The following ZWINT variants were observed in gnomAD, a reference collection of about 807,000 sequenced individuals.
The protein encoded by ZWINT is ZW10 interacting kinetochore protein, also known as outer kinetochore KNL1 complex subunit ZWINT.
In ZWINT, 41 loss-of-function variants were observed where a neutral mutation model predicts 41.5. The observed-to-expected ratio is 0.99, with a 90% CI of 0.77 to 1.28. ZWINT has a LOEUF of 1.28. ZWINT is among the 50% of genes most tolerant of loss of function. ZWINT has a pLI of 0.00. For missense variants in ZWINT, 369 were observed against 329.7 expected, an observed-to-expected ratio of 1.12 and a Z score of -0.92; for synonymous variants, 132 against 126.8, an observed-to-expected ratio of 1.04 and a Z score of -0.28.
chr10:56,358,814 T>A lies in ZWINT; in HGVS notation c.614A>T (p.Lys205Met). 6.2e-7 allele frequency: 1 copy of A among 1,614,100 alleles called. No individual in the cohort carries two copies. The highest frequency in any genetic ancestry group is 8.5e-7 in the Non-Finnish European group (1 of 1,180,034). ...ATGCTCCCGAACTTACCTCTGCAGC[T>A]TGTCCCGCTCCTGTTCTGCCTGCTG... ...LKQQAEQERD[K>M]LQRYQTFLQL... The change falls in exon 6 of 9, where the codon AAG (lysine) becomes ATG (methionine). Residue 205 changes from lysine to methionine, a missense_variant. Physicochemically the swap from Lys to Met is moderately conservative, Grantham distance 95. Coordinates refer to ENST00000373944, the MANE Select transcript of ZWINT (RefSeq NM_007057.4).
In ZWINT at chr10:56,357,847, T is replaced by G; in HGVS notation, c.*380A>C. ...TTTGGATCCATGAATAAAATTATCT[T>G]CCCACATATAACCACCTGCCTAAAA... On this transcript the variant is annotated 3_prime_UTR_variant, in exon 9 of 9. Coordinates refer to ENST00000373944, the MANE Select transcript of ZWINT (RefSeq NM_007057.4). The G allele has an allele frequency of 2.9e-6, 1 of 349,454 alleles. No individual in the cohort carries two copies. The highest frequency in any genetic ancestry group is 5.6e-6 in the Non-Finnish European group (1 of 177,526). 21.6% of individuals were successfully genotyped at this position (349,454 alleles called of 1,614,324 possible).
Position 56,360,215 on chromosome 10 carries a change from G to T in ZWINT, c.133-74C>A, listed in dbSNP as rs3861049. 600 of 1,611,582 alleles carry T rather than the reference G, an allele frequency of 3.7e-4. 3 individuals are homozygous for T. In the African/African-American group the frequency reaches 7.4e-3, roughly 20 times the overall value. On this transcript the variant is annotated intron_variant, in intron 2 of 8. Coordinates refer to ENST00000373944, the MANE Select transcript of ZWINT (RefSeq NM_007057.4). ...GTTTCCTTAAGTCTGCTCTCTGCCA[G>T]TGCTGCCCTGTATCTCAGTAAGAGG... is the stretch of plus-strand genomic sequence containing the variant.
Position 56,357,767 on chromosome 10 carries a change from T to A in ZWINT, c.*460A>T, listed in dbSNP as rs142481492. ...CTAAAACAGTCAGATGAGCTCACTG[T>A]TATAATTCTGGTTCACCGCAAGAAC... On this transcript the variant is annotated 3_prime_UTR_variant, in exon 9 of 9. Transcript: ENST00000373944. The A allele has an allele frequency of 3.3e-3, 1,050 of 321,280 alleles. 10 individuals are homozygous for A. Among genetic ancestry groups the A allele is most frequent in the African/African-American group, 0.021 (950 of 45,752 alleles). The allele number at this position is 321,280 out of a possible 1,614,324, so 19.9% of individuals were successfully genotyped here.
chr10:56,361,168 C>A, intron 1 of ZWINT, 28 bp downstream of exon 1: 1 of 1,612,740 alleles, frequency 6.2e-7, no homozygotes, highest in Non-Finnish European at 8.5e-7. Flanking sequence ...GGCCCGGCCC[C>A]AGCTGCCACT....
At position 56,357,938 on chromosome 10, in the gene ZWINT, C is replaced by G. The variant is rs951672496; in HGVS notation, c.*289G>C. On this transcript the variant is annotated 3_prime_UTR_variant, in exon 9 of 9. Coordinates refer to ENST00000373944, the MANE Select transcript of ZWINT (RefSeq NM_007057.4). ...CATAGGAGGCCCAAGGCCAGTACCC[C>G]CTCCCCATCTGCACACCCTGTGTTC... 9.8e-6 allele frequency: 4 copies of G among 408,706 alleles called. No individual in the cohort carries two copies. Among genetic ancestry groups the G allele is most frequent in the African/African-American group, 2.1e-5 (1 of 48,680 alleles). The allele number at this position is 408,706 out of a possible 1,614,324, so 25.3% of individuals were successfully genotyped here. A position where few individuals can be genotyped will look rare whatever the true frequency, so the allele number is the denominator to read the frequency against.
Position 56,359,499 on chromosome 10 carries a change from G to A in ZWINT, c.457C>T (p.Gln153Ter), listed in dbSNP as rs1838266139. The A allele has an allele frequency of 6.5e-7, 1 of 1,549,112 alleles. No individual in the cohort carries two copies. The highest frequency in any genetic ancestry group is 8.7e-7 in the Non-Finnish European group (1 of 1,152,404). Residue 153 changes from glutamine (Q) to a stop codon, truncating the protein, a stop_gained, in exon 5 of 9, where the codon CAG becomes TAG. Transcript: ENST00000373944. LOFTEE classifies it high-confidence loss of function. ...QMAMEKRRAV[Q>*]NQWQLQQEKH... ...ACCTGTTGTAGCTGCCACTGGTTCT[G>A]GACTGCTCTGCGTTTCTCCATGGCC...
rs759306696 is a variant in ZWINT, at chr10:56,360,025, G to A, written c.249C>T (p.Asp83=). The A allele has an allele frequency of 1.2e-6, 2 of 1,613,992 alleles. No individual in the cohort carries two copies. Among genetic ancestry groups the A allele is most frequent in the South Asian group, 1.1e-5 (1 of 91,084 alleles). The change falls in exon 3 of 9, where the codon GAC becomes GAT. Residue 83 remains aspartate (D), a synonymous_variant. Transcript: ENST00000373944. ...AATCCCCTGCCTACTCACGGCTCGTGTCTTCAGAAGCCAAGGGGTCGAGAC... is the reference window on the plus strand; with the variant it reads ...AATCCCCTGCCTACTCACGGCTCGTATCTTCAGAAGCCAAGGGGTCGAGAC... ...AKGLDPLASE[D]TSRQKAIAAK... is the part of the protein sequence containing the mutation.
Position 56,360,282 on chromosome 10 carries a change from C to G in ZWINT, c.132+11G>C. 1 of 1,613,998 alleles carries G rather than the reference C, an allele frequency of 6.2e-7. No homozygotes were observed. Among genetic ancestry groups the G allele is most frequent in the Non-Finnish European group, 8.5e-7 (1 of 1,179,934 alleles). On this transcript the variant is annotated intron_variant, in intron 2 of 8. Transcript: ENST00000373944. ...TGGCTTCTGAAAGGCTCGCTCTCAT[C>G]TTGTACATACCACCACAAACTCAAC...
chr10:56,358,006 CT>C lies in ZWINT; in HGVS notation c.*220del. ...TGTCATGTTATTGGCTTCTGAGTAT[CT>C]GTATTAATAGTTGTTCCTGCCAGCA... On this transcript the variant is annotated 3_prime_UTR_variant, in exon 9 of 9. Coordinates refer to ENST00000373944, the MANE Select transcript of ZWINT (RefSeq NM_007057.4). 5.8e-6 allele frequency: 3 copies of C among 515,760 alleles called. No homozygotes were observed. Among genetic ancestry groups the C allele is most frequent in the Non-Finnish European group, 1.2e-5 (3 of 253,458 alleles). The allele number at this position is 515,760 out of a possible 1,614,324, so 31.9% of individuals were successfully genotyped here. A position where few individuals can be genotyped will look rare whatever the true frequency, so the allele number is the denominator to read the frequency against.
chr10:56,361,178 T>G lies in ZWINT; in HGVS notation c.41+18A>C. 1 of 1,613,198 alleles carries G rather than the reference T, an allele frequency of 6.2e-7. No individual in the cohort carries two copies. Among genetic ancestry groups the G allele is most frequent in the Non-Finnish European group, 8.5e-7 (1 of 1,179,924 alleles). ...TCCCAGGCCCGGCCCCAGCTGCCAC[T>G]TAGCCGCAAACACTTACTCTAGGGC... On this transcript the variant is annotated intron_variant, in intron 1 of 8. Coordinates refer to ENST00000373944, the MANE Select transcript of ZWINT (RefSeq NM_007057.4).
In ZWINT at chr10:56,360,364, C is replaced by G. The variant is rs11549924; in HGVS notation, c.61G>C (p.Gly21Arg). ...AALEVLAEVA[G>R]ILEPVGLQEE... ...TGCAGGCCTACAGGTTCCAAGATGC[C>G]TGCCACCTCAGCCAGGACCCTGGAG... The change falls in exon 2 of 9, where the codon GGC (glycine) becomes CGC (arginine). Residue 21 changes from glycine to arginine, a missense_variant. By Grantham distance (125) the Gly-to-Arg change is moderately radical. Transcript: ENST00000373944. The G allele has an allele frequency of 8.5e-4, 1,366 of 1,614,176 alleles. 12 individuals are homozygous for G. In the African/African-American group the frequency reaches 0.015, roughly 18 times the overall value.
rs1838280019 is a variant in ZWINT, at chr10:56,359,867, C to A, written c.257-14G>T. On this transcript the variant is annotated splice_polypyrimidine_tract_variant and intron_variant, in intron 3 of 8. Coordinates refer to ENST00000373944, the MANE Select transcript of ZWINT (RefSeq NM_007057.4). ...TTGCCTTCTGTCCTGAGATGAGCCACCAGGAATGAGTACATGAGTGAGGGT... is the reference window on the plus strand; with the variant it reads ...TTGCCTTCTGTCCTGAGATGAGCCAACAGGAATGAGTACATGAGTGAGGGT... 6.2e-7 allele frequency: 1 copy of A among 1,613,920 alleles called. No individual in the cohort carries two copies. The highest frequency in any genetic ancestry group is 1.3e-5 in the African/African-American group (1 of 75,020).
rs2241666 is a variant in ZWINT, at chr10:56,358,869, T to C, written c.559A>G (p.Arg187Gly). ...AGGTTTCCAAGTTTCTGAAACACCCTGTCAAGCTCCTGCTGAGTCCCTGTC... is the reference window on the plus strand; with the variant it reads ...AGGTTTCCAAGTTTCTGAAACACCCCGTCAAGCTCCTGCTGAGTCCCTGTC... ...RKTGTQQELD[R>G]VFQKLGNLKQ... is the part of the protein sequence containing the mutation. The change falls in exon 6 of 9, where the codon AGG becomes GGG. Residue 187 changes from arginine (R) to glycine (G), a missense_variant. Transcript: ENST00000373944. 0.65 allele frequency: 1,045,926 copies of C among 1,613,858 alleles called. 342,827 individuals carry two copies. Among genetic ancestry groups the C allele is most frequent in the East Asian group, 0.84 (37,849 of 44,846 alleles).
rs749094308 is a variant in ZWINT, at chr10:56,358,896, T to G, written c.532A>C (p.Lys178Gln). 1.2e-6 allele frequency: 2 copies of G among 1,614,088 alleles called. No individual in the cohort carries two copies. Among genetic ancestry groups the G allele is most frequent in the Non-Finnish European group, 8.5e-7 (1 of 1,180,004 alleles). The stretch of plus-strand genomic sequence containing the variant: ...TCAAGCTCCTGCTGAGTCCCTGTCT[T>G]ACGCTCCCTCACCTCTGCAGAAACC... ...AEVSAEVRER[K>Q]TGTQQELDRV... The change falls in exon 6 of 9, where the codon AAG becomes CAG. Residue 178 changes from lysine (K) to glutamine (Q), a missense_variant. Lys to Gln is a moderately conservative substitution (Grantham distance 53). Transcript: ENST00000373944.
rs761009436 is a variant in ZWINT, at chr10:56,361,184, G to C, written c.41+12C>G. ...GCCCGGCCCCAGCTGCCACTTAGCC[G>C]CAAACACTTACTCTAGGGCTGCAGC... On this transcript the variant is annotated intron_variant, in intron 1 of 8. Transcript: ENST00000373944. The C allele has an allele frequency of 6.2e-7, 1 of 1,612,978 alleles. No homozygotes were observed. Among genetic ancestry groups the C allele is most frequent in the South Asian group, 1.1e-5 (1 of 90,982 alleles).
chr10:56,360,049 A>T lies in ZWINT; in HGVS notation c.225T>A (p.Gly75=). Residue 75 remains glycine, a synonymous_variant, in exon 3 of 9, where the codon GGT becomes GGA. Coordinates refer to ENST00000373944, the MANE Select transcript of ZWINT (RefSeq NM_007057.4). ...TGTCTTCAGAAGCCAAGGGGTCGAG[A>T]CCCTTAGCAGTGTCCTCCTGAGCCA... ...NILAQEDTAK[G]LDPLASEDTS... is the part of the protein sequence containing the mutation. The T allele has an allele frequency of 6.2e-7, 1 of 1,613,914 alleles. No homozygotes were observed. Among genetic ancestry groups the T allele is most frequent in the Non-Finnish European group, 8.5e-7 (1 of 1,179,992 alleles).
In ZWINT at chr10:56,358,959, G is replaced by T. The variant is rs766494047; in HGVS notation, c.481-12C>A. The T allele has an allele frequency of 2.8e-5, 45 of 1,613,568 alleles. No homozygotes were observed. The Admixed American group carries it at 7.3e-4, about 26-fold the overall frequency. On this transcript the variant is annotated splice_polypyrimidine_tract_variant and intron_variant, in intron 5 of 8. Transcript: ENST00000373944. ...TGCAGATGCTTCTCCTGCCAGGAGTGAGCATGCAGACATTATGCATCAGAT... is the reference window on the plus strand; with the variant it reads ...TGCAGATGCTTCTCCTGCCAGGAGTTAGCATGCAGACATTATGCATCAGAT...
At position 56,358,578 on chromosome 10, in the gene ZWINT, C is replaced by T. The variant is rs146929955; in HGVS notation, c.770G>A (p.Arg257Lys). ...QEQSTGDTMG[R>K]DPGVSFKAVG... ...TACCTTGAAGGACACACCAGGGTCT[C>T]TCCCCATGGTGTCTCCTGTACTCTG... The change falls in exon 7 of 9, where the codon AGA becomes AAA. Residue 257 changes from arginine to lysine, a missense_variant. Arg to Lys is a conservative substitution (Grantham distance 26). Coordinates refer to ENST00000373944, the MANE Select transcript of ZWINT (RefSeq NM_007057.4). 6.0e-5 allele frequency: 97 copies of T among 1,614,162 alleles called. No individual in the cohort carries two copies. In the African/African-American group the frequency reaches 1.2e-3, roughly 20 times the overall value.
intron 1 of ZWINT, among the ~76,000 whole-genome samples, chr10:56,360,710 G>A (rs1438769554): frequency 1.3e-5 from 2 of 152,222 alleles, no homozygotes; most frequent in Non-Finnish European, 2.9e-5. Flanking sequence ...GGAAGCCAGG[G>A]AGATATGCAA....
Sources: gnomAD v4.1 joint callset for allele counts (sites outside exome capture counted in the v4.1 genomes callset) on GRCh38, gnomAD v4.1.1 for gene constraint, MANE v1.5 for transcripts, NCBI Gene and HGNC (gene_info 2026-07-23, HGNC 2026-07-21) for gene names.